KDM4C: variants seen among roughly 807,000 people sequenced by gnomAD.
The protein encoded by KDM4C is lysine-specific demethylase 4C.
Under a neutral mutation model 129.3 loss-of-function variants are expected in KDM4C, and 81 were observed. The observed-to-expected ratio is 0.63, with a 90% confidence interval of 0.52 to 0.75. The LOEUF (loss-of-function observed/expected upper bound fraction) is 0.75. Among genes scored for constraint, KDM4C ranks in the 30% least tolerant of loss-of-function variants. The pLI is 0.00. For missense variants in KDM4C, 1,457 were observed against 1,304.0 expected, an observed-to-expected ratio of 1.12 and a Z score of -1.81; for synonymous variants, 573 against 456.1, an observed-to-expected ratio of 1.26 and a Z score of -3.26.
At chr9:7,059,350 G>A (rs1473929288) in intron 17 of KDM4C, among the ~76,000 whole-genome samples, 1 of 152,084 alleles carries the variant, frequency 6.6e-6, no homozygotes, top group African/African-American at 2.4e-5. Context: ...CAGTCCTCCC[G>A]CCTCGACCTC....
At chr9:6,820,920 T>C (rs947497125) in intron 4 of KDM4C, among the ~76,000 whole-genome samples, 2 of 150,180 alleles carry the variant, frequency 1.3e-5, no homozygotes, top group Admixed American at 1.3e-4. Context: ...CTGCCCTGTG[T>C]CCAAGTGATC....
chr9:6,862,060 A>T (rs548594185), intron 5 of KDM4C, among the ~76,000 whole-genome samples: 1 of 152,080 alleles, frequency 6.6e-6, no homozygotes, highest in South Asian at 2.1e-4. Flanking sequence ...GTGTGAGCCA[A>T]CGCGCCTGAC....
At chr9:6,887,337 T>C (rs1845461760) in intron 6 of KDM4C, among the ~76,000 whole-genome samples, 1 of 152,224 alleles carries the variant, frequency 6.6e-6, no homozygotes, top group African/African-American at 2.4e-5. Flanking sequence ...AGGGTTGTTG[T>C]ATGTTTAACT....
chr9:7,047,953 A>T (rs1030499469), intron 16 of KDM4C, among the ~76,000 whole-genome samples: 3 of 152,024 alleles, frequency 2.0e-5, no homozygotes, highest in Non-Finnish European at 4.4e-5. Flanking sequence ...TTACATGTGC[A>T]CATGTTTCTG....
intron 18 of KDM4C, among the ~76,000 whole-genome samples, chr9:7,115,543 C>G (rs1401545629): frequency 6.6e-6 from 1 of 152,118 alleles, no homozygotes. Flanking sequence ...TATTCAATTC[C>G]TTCATGTAGA....
intron 1 of KDM4C, among the ~76,000 whole-genome samples, chr9:6,742,228 C>A (rs767232331): frequency 5.3e-5 from 8 of 152,110 alleles, no homozygotes; most frequent in Non-Finnish European, 1.0e-4. Context: ...GTTAGTCAGG[C>A]TGGTCTCGAA....
At chr9:7,143,193 T>G (rs764051599) in intron 19 of KDM4C, among the ~76,000 whole-genome samples, 9 of 152,232 alleles carry the variant, frequency 5.9e-5, no homozygotes, top group Non-Finnish European at 1.3e-4. Context: ...TGGCATGTTT[T>G]GGTTTCCAGT....
At chr9:7,109,929 G>A (rs1035486573) in intron 18 of KDM4C, among the ~76,000 whole-genome samples, 1 of 152,130 alleles carries the variant, frequency 6.6e-6, no homozygotes, top group African/African-American at 2.4e-5. Flanking sequence ...AGATCTGATG[G>A]CTTTATAAAG....
intron 12 of KDM4C, among the ~76,000 whole-genome samples, chr9:7,004,347 A>T (rs1045935627): frequency 2.0e-5 from 3 of 152,222 alleles, no homozygotes; most frequent in African/African-American, 7.2e-5. Context: ...AGCAGTTTTT[A>T]AAAAACTTTT....
chr9:6,851,110 A>C (rs917301682), intron 5 of KDM4C, among the ~76,000 whole-genome samples: 1 of 152,108 alleles, frequency 6.6e-6, no homozygotes, highest in Admixed American at 6.6e-5. Context: ...GTGACAAGAG[A>C]ATGTGATCGG....
chr9:7,173,017 C>G (rs2130534543), intron 21 of KDM4C, among the ~76,000 whole-genome samples: 1 of 152,382 alleles, frequency 6.6e-6, no homozygotes, highest in Admixed American at 6.5e-5. Flanking sequence ...CATGCCCTCA[C>G]TCAGCAAACA....
intron 1 of KDM4C, among the ~76,000 whole-genome samples, chr9:6,781,347 T>A (rs1824296378): frequency 6.6e-6 from 1 of 152,154 alleles, no homozygotes; most frequent in African/African-American, 2.4e-5. Context: ...GTCAGAACAT[T>A]TTCATCAACT....
At chr9:7,040,740 G>A (rs945422465) in intron 15 of KDM4C, among the ~76,000 whole-genome samples, 1 of 151,528 alleles carries the variant, frequency 6.6e-6, no homozygotes, top group Non-Finnish European at 1.5e-5. Context: ...CACAATTTCA[G>A]GTTAGATGTC....
At chr9:7,063,445 G>T (rs1275318360) in intron 17 of KDM4C, among the ~76,000 whole-genome samples, 1 of 152,194 alleles carries the variant, frequency 6.6e-6, no homozygotes, top group Non-Finnish European at 1.5e-5. Flanking sequence ...CTCTTGTTTG[G>T]TCTGTCAGGA....
At chr9:7,106,824 T>A (rs186988588) in intron 18 of KDM4C, among the ~76,000 whole-genome samples, 6 of 152,304 alleles carry the variant, frequency 3.9e-5, no homozygotes, top group Admixed American at 2.0e-4. Context: ...GCTTATTCAT[T>A]GTTTGTTGAG....
chr9:7,087,286 A>C (rs201302134), intron 17 of KDM4C, among the ~76,000 whole-genome samples: 1 of 149,652 alleles, frequency 6.7e-6, no homozygotes, highest in Non-Finnish European at 1.5e-5. Flanking sequence ...TTTTTTTTTG[A>C]AAAAAGAAAA....
chr9:6,941,322 T>C (rs1461308837), intron 8 of KDM4C, among the ~76,000 whole-genome samples: 1 of 152,182 alleles, frequency 6.6e-6, no homozygotes, highest in Non-Finnish European at 1.5e-5. Flanking sequence ...ATTCACTGCA[T>C]GTATGTCTTT....
At chr9:7,147,175 G>A (rs1230630975) in intron 19 of KDM4C, among the ~76,000 whole-genome samples, 1 of 152,222 alleles carries the variant, frequency 6.6e-6, no homozygotes, top group African/African-American at 2.4e-5. Context: ...AGGTGGTTGA[G>A]TAGCTTATGC....
chr9:6,725,736 G>A (rs2130186758), intron 1 of KDM4C, among the ~76,000 whole-genome samples: 1 of 124,896 alleles, frequency 8.0e-6, no homozygotes, highest in South Asian at 2.5e-4. Flanking sequence ...TTGAGACAGA[G>A]TCTGGATCTG....
Sources: gnomAD v4.1 joint callset for allele counts (sites outside exome capture counted in the v4.1 genomes callset) on GRCh38, gnomAD v4.1.1 for gene constraint, MANE v1.5 for transcripts, NCBI Gene and HGNC (gene_info 2026-07-23, HGNC 2026-07-21) for gene names.